TYW1B: variants seen among roughly 807,000 people sequenced by gnomAD.
The protein encoded by TYW1B is S-adenosyl-L-methionine-dependent tRNA 4-demethylwyosine synthase TYW1B.
A neutral mutation model predicts 86.9 loss-of-function variants in TYW1B; 73 were observed. The ratio of observed to expected loss-of-function variants is 0.84; its 90% CI spans 0.70 to 1.02. The LOEUF is 1.02. Among genes scored for constraint, TYW1B ranks in the 50% least tolerant of loss-of-function variants. The pLI is 0.00. For missense variants in TYW1B, 637 were observed against 827.4 expected, an observed-to-expected ratio of 0.77 and a Z score of 2.82; for synonymous variants, 248 against 292.8, an observed-to-expected ratio of 0.85 and a Z score of 1.56.
At chr7:72,697,498 T>C (rs1456216650) in intron 10 of TYW1B, among the ~76,000 whole-genome samples, 4 of 152,294 alleles carry the variant, frequency 2.6e-5, no homozygotes, top group African/African-American at 9.6e-5. Context: ...GGAGATGTTT[T>C]CTGAGCTTTA....
chr7:72,730,072 T>C (rs1787075512), intron 8 of TYW1B, among the ~76,000 whole-genome samples: 1 of 152,004 alleles, frequency 6.6e-6, no homozygotes, highest in South Asian at 2.1e-4. Flanking sequence ...AAAATACTTC[T>C]CCAGGAAAGT....
chr7:72,628,147 G>T (rs181569685), intron 12 of TYW1B, among the ~76,000 whole-genome samples: 2,462 of 152,194 alleles, frequency 0.016, 32 homozygotes, highest in Non-Finnish European at 0.027. Flanking sequence ...GCCAGGCATA[G>T]TGGCGTGCAC....
chr7:72,632,078 C>T (rs1812505076), intron 11 of TYW1B, among the ~76,000 whole-genome samples: 1 of 151,380 alleles, frequency 6.6e-6, no homozygotes, highest in Middle Eastern at 3.4e-3. Context: ...GGGAGGATTA[C>T]TTGAGGCCAA....
chr7:72,675,767 T>C (rs1419084596), intron 11 of TYW1B, among the ~76,000 whole-genome samples: 2 of 151,732 alleles, frequency 1.3e-5, no homozygotes, highest in Non-Finnish European at 2.9e-5. Context: ...TTTCTTCTCA[T>C]GTGAAAAAAA....
intron 13 of TYW1B, among the ~76,000 whole-genome samples, chr7:72,608,511 C>G (rs1474272322): frequency 2.0e-5 from 3 of 152,112 alleles, no homozygotes; most frequent in African/African-American, 7.2e-5. Context: ...ATATGTAAAT[C>G]AACCACTAAA....
chr7:72,781,376 C>T (rs1312844197), intron 6 of TYW1B, among the ~76,000 whole-genome samples: 2 of 152,110 alleles, frequency 1.3e-5, no homozygotes, highest in Non-Finnish European at 2.9e-5. Context: ...CACCTCCTGG[C>T]GTCACTTCGT....
intron 3 of TYW1B, among the ~76,000 whole-genome samples, chr7:72,813,427 C>T (rs1488642001): frequency 2.6e-5 from 4 of 152,326 alleles, no homozygotes; most frequent in Non-Finnish European, 2.9e-5. Flanking sequence ...CCACCTACCT[C>T]GGACTCCCAA....
intron 8 of TYW1B, among the ~76,000 whole-genome samples, chr7:72,740,673 G>A (rs563773478): frequency 1.3e-5 from 2 of 150,980 alleles, no homozygotes; most frequent in South Asian, 4.2e-4. Context: ...AAACCCTGAA[G>A]AGTGAGAAAA....
chr7:72,705,936 T>C (rs560691754), intron 10 of TYW1B, among the ~76,000 whole-genome samples: 7 of 152,190 alleles, frequency 4.6e-5, no homozygotes, highest in Admixed American at 1.3e-4. Flanking sequence ...GAATCTTCCA[T>C]CGCAGCAATA....
intron 13 of TYW1B, among the ~76,000 whole-genome samples, chr7:72,588,395 G>A (rs1811324610): frequency 6.6e-6 from 1 of 152,206 alleles, no homozygotes; most frequent in East Asian, 1.9e-4. Flanking sequence ...TGATGAGGGT[G>A]AGTTCCACAT....
chr7:72,734,553 T>C (rs1554460587), intron 8 of TYW1B, among the ~76,000 whole-genome samples: 1 of 152,180 alleles, frequency 6.6e-6, no homozygotes, highest in Non-Finnish European at 1.5e-5. Context: ...TGGGCAATGA[T>C]TTTATGAATA....
intron 11 of TYW1B, among the ~76,000 whole-genome samples, chr7:72,691,716 C>G (rs1243361930): frequency 1.3e-5 from 2 of 152,108 alleles, no homozygotes; most frequent in African/African-American, 2.4e-5. Flanking sequence ...CTATGTAAAT[C>G]CAAGACCGCT....
chr7:72,669,703 G>A (rs1813549463), intron 11 of TYW1B, among the ~76,000 whole-genome samples: 1 of 152,044 alleles, frequency 6.6e-6, no homozygotes, highest in Non-Finnish European at 1.5e-5. Context: ...CCGGGAGGCA[G>A]AGACTTCAGT....
chr7:72,808,461 G>T (rs1554477260), intron 4 of TYW1B, among the ~76,000 whole-genome samples: 1 of 143,070 alleles, frequency 7.0e-6, no homozygotes, highest in Admixed American at 6.9e-5. Flanking sequence ...AATCAAAAAT[G>T]TTTTTAATGA....
At chr7:72,642,523 G>A (rs1375761820) in intron 11 of TYW1B, among the ~76,000 whole-genome samples, 3 of 152,156 alleles carry the variant, frequency 2.0e-5, no homozygotes, top group Non-Finnish European at 4.4e-5. Flanking sequence ...CCAAAAGCTG[G>A]AAACAATGCC....
At chr7:72,803,517 T>G (rs1445153410) in intron 5 of TYW1B, among the ~76,000 whole-genome samples, 1 of 152,164 alleles carries the variant, frequency 6.6e-6, no homozygotes, top group Non-Finnish European at 1.5e-5. Flanking sequence ...ATGAGGAAAT[T>G]AAAGGTAGAG....
At chr7:72,766,683 T>C (rs1554468497) in intron 7 of TYW1B, among the ~76,000 whole-genome samples, 1 of 150,704 alleles carries the variant, frequency 6.6e-6, no homozygotes, top group African/African-American at 2.4e-5. Flanking sequence ...TCCCAGAACT[T>C]TGGGAGGTCA....
At chr7:72,632,472 T>C (rs1352030954) in intron 11 of TYW1B, among the ~76,000 whole-genome samples, 3 of 120,486 alleles carry the variant, frequency 2.5e-5, no homozygotes, top group Non-Finnish European at 4.9e-5. Flanking sequence ...CATATATATA[T>C]AAAATATATA....
chr7:72,710,284 C>A (rs1230975170), intron 10 of TYW1B, among the ~76,000 whole-genome samples: 2 of 152,150 alleles, frequency 1.3e-5, no homozygotes, highest in Non-Finnish European at 2.9e-5. Context: ...ACCCCAAACA[C>A]CACTCTATCC....
Sources: allele counts gnomAD v4.1 joint callset (sites outside exome capture counted in the v4.1 genomes callset), GRCh38; gene constraint gnomAD v4.1.1; transcripts MANE v1.5; gene names NCBI Gene and HGNC (gene_info 2026-07-23, HGNC 2026-07-21).